NUP153: variants seen among roughly 807,000 people sequenced by gnomAD.
The protein encoded by NUP153 is nuclear pore complex protein Nup153.
A neutral mutation model predicts 134.6 loss-of-function variants in NUP153; 27 were observed. The ratio of observed to expected loss-of-function variants is 0.20; its 90% CI spans 0.15 to 0.28. NUP153 has a LOEUF of 0.28. Ranked by LOEUF, NUP153 falls within the 10% of genes least tolerant of loss-of-function variation. The probability of loss-of-function intolerance (pLI) is 1.00; values close to 1 mark genes in which losing one functional copy is unlikely to be tolerated. For synonymous variants in NUP153, 640 were observed against 623.5 expected, an observed-to-expected ratio of 1.03 and a Z score of -0.40; for missense variants, 1,821 against 1,731.3, an observed-to-expected ratio of 1.05 and a Z score of -0.92.
Position 17,675,533 on chromosome 6 carries a change from G to C in NUP153, c.572C>G (p.Ala191Gly), listed in dbSNP as rs1322240331. The change falls in exon 3 of 22, where the codon GCT (alanine) becomes GGT (glycine). Residue 191 changes from alanine to glycine, a missense_variant. Ala to Gly is a moderately conservative substitution (Grantham distance 60). Coordinates refer to ENST00000262077, the MANE Select transcript of NUP153 (RefSeq NM_005124.4). The surrounding 1 kb of genome is among the most constrained non-coding windows in gnomAD (Gnocchi z 4.4). ...ISTTSGFSSR[A>G]SDKDITVSKN... ...CATGTCAAGAATACCTTTATCAGAA[G>C]CTCTTGAAGAAAAACCACTGGTAGT... 6.2e-7 allele frequency: 1 copy of C among 1,613,598 alleles called. No individual in the cohort carries two copies. Among genetic ancestry groups the C allele is most frequent in the Admixed American group, 1.7e-5 (1 of 59,992 alleles).
chr6:17,664,934 T>A (rs1413128457), intron 9 of NUP153, among the ~76,000 whole-genome samples: 2 of 150,232 alleles, frequency 1.3e-5, no homozygotes, highest in African/African-American at 4.9e-5. Context: ...ATGCCTGTAG[T>A]CCCAGCTACT....
intron 11 of NUP153, chr6:17,651,838 A>C (rs926087286): frequency 1.5e-6 from 1 of 652,790 alleles, no homozygotes; most frequent in Non-Finnish European, 2.9e-6. Flanking sequence ...ACATACCTGT[A>C]ATCTCAGCAC....
rs561852631 is a variant in NUP153 at position 17,628,478 on chromosome 6, G to C, written c.3544+177C>G. 5.3e-5 allele frequency among the ~76,000 whole-genome samples: 8 copies of C among 152,170 alleles called. No homozygotes were observed. In the East Asian group the frequency reaches 1.5e-3, roughly 29 times the overall value. ...AGATGACTTCACCAGAATCATGAGG[G>C]TTTTAAAGAGCAGTTCAAACTGAAA... On this transcript the variant is annotated intron_variant, in intron 18 of 21. Coordinates refer to ENST00000262077, the MANE Select transcript of NUP153 (RefSeq NM_005124.4). This position sits in a 1 kb window ranked among gnomAD's most constrained non-coding sequence, Gnocchi z 5.4.
At chr6:17,678,897 G>GCA (rs1204365303) in intron 2 of NUP153, among the ~76,000 whole-genome samples, 29 of 150,824 alleles carry the variant, frequency 1.9e-4, no homozygotes, top group Non-Finnish European at 4.1e-4. Flanking sequence ...AATGAGCTAT[G>GCA]ATGGCACCAC....
chr6:17,690,180 G>A (rs1416306631), intron 1 of NUP153, among the ~76,000 whole-genome samples: 1 of 149,450 alleles, frequency 6.7e-6, no homozygotes, highest in Non-Finnish European at 1.5e-5. Context: ...GTGAAACCGC[G>A]TCTCTACTAA....
chr6:17,620,217 T>C (rs1205007788), intron 20 of NUP153, among the ~76,000 whole-genome samples: 2 of 150,852 alleles, frequency 1.3e-5, no homozygotes, highest in African/African-American at 4.9e-5. Flanking sequence ...AGCTGAGGTA[T>C]CATACTATCT....
intron 2 of NUP153, among the ~76,000 whole-genome samples, chr6:17,681,376 G>A (rs2113841374): frequency 7.0e-6 from 1 of 143,120 alleles, no homozygotes; most frequent in South Asian, 2.4e-4. Context: ...CACGAGGTCA[G>A]GAGATCGAGA....
At chr6:17,641,800 C>T (rs936771440) in intron 14 of NUP153, among the ~76,000 whole-genome samples, 12 of 151,260 alleles carry the variant, frequency 7.9e-5, no homozygotes, top group South Asian at 2.1e-4. Context: ...TGCAGTGAAA[C>T]GAGCTTGCAC....
At chr6:17,673,437 T>C (rs767795881) in intron 5 of NUP153, among the ~76,000 whole-genome samples, 1 of 152,132 alleles carries the variant, frequency 6.6e-6, no homozygotes, top group African/African-American at 2.4e-5. Flanking sequence ...GCAAAACATA[T>C]AACAAAGTAT....
intron 11 of NUP153, among the ~76,000 whole-genome samples, chr6:17,656,912 G>A (rs554036953): frequency 3.3e-5 from 5 of 152,146 alleles, no homozygotes; most frequent in African/African-American, 4.8e-5. Flanking sequence ...AGCTCAGTCT[G>A]CACAGACTCT....
At position 17,637,199 on chromosome 6, in the gene NUP153, A is replaced by T. The variant is rs146590928; in HGVS notation, c.2418T>A (p.Asn806Lys). ...SWECSVCCVSNNAEDNKCVSC... is the reference protein window; with the variant it reads ...SWECSVCCVSKNAEDNKCVSC... Reference sequence around the variant, plus strand: ...ACACACACTTATTGTCTTCTGCATTATTAGAAACACAGCATACTGAACACT... The same window carrying T: ...ACACACACTTATTGTCTTCTGCATTTTTAGAAACACAGCATACTGAACACT... The change falls in exon 16 of 22, where the codon AAT becomes AAA. Residue 806 changes from asparagine to lysine, a missense_variant. By Grantham distance (94) the Asn-to-Lys change is moderately conservative (BLOSUM62 0). Coordinates refer to ENST00000262077, the MANE Select transcript of NUP153 (RefSeq NM_005124.4). 2 of 1,614,012 alleles carry T rather than the reference A, an allele frequency of 1.2e-6. No individual in the cohort carries two copies. Among genetic ancestry groups the T allele is most frequent in the Middle Eastern group, 1.6e-4 (1 of 6,084 alleles).
intron 1 of NUP153, among the ~76,000 whole-genome samples, chr6:17,692,172 G>A (rs145085663): frequency 8.7e-4 from 132 of 152,208 alleles, no homozygotes; most frequent in African/African-American, 2.8e-3. Flanking sequence ...AAACATAACT[G>A]GTCAAAGTGG....
rs762142682 is a variant in NUP153 at position 17,668,069 on chromosome 6, C to CTTTTT, written c.1068+901_1068+905dup. ...GCAATGAGGACTTTAGTTTACTGAACTTTTTTTTTTTTTTTTTTTTTTTTG... is the reference window on the plus strand; with the variant it reads ...GCAATGAGGACTTTAGTTTACTGAACTTTTTTTTTTTTTTTTTTTTTTTTTTTTTG... On this transcript the variant is annotated intron_variant, in intron 8 of 21. Coordinates refer to ENST00000262077, the MANE Select transcript of NUP153 (RefSeq NM_005124.4). Among the ~76,000 whole-genome samples the CTTTTT allele has an allele frequency of 0.013, 1,109 of 87,174 alleles. 95 individuals carry two copies. The East Asian group carries it at 0.24, about 19-fold the overall frequency. The allele number at this position is 87,174 out of a possible 152,430, so 57.2% of individuals were successfully genotyped here. A position where few individuals can be genotyped will look rare whatever the true frequency, so the allele number is the denominator to read the frequency against.
chr6:17,624,066 TAAG>T (rs1385197824), intron 20 of NUP153, among the ~76,000 whole-genome samples: 1 of 152,170 alleles, frequency 6.6e-6, no homozygotes, highest in Non-Finnish European at 1.5e-5. Flanking sequence ...ACAACAATTT[TAAG>T]AAAATATAGG....
At chr6:17,636,351 A>G (rs1374084239) in intron 16 of NUP153, among the ~76,000 whole-genome samples, 4 of 151,108 alleles carry the variant, frequency 2.6e-5, no homozygotes, top group Admixed American at 1.3e-4. Flanking sequence ...AAAAAAAAAA[A>G]GGAATGAAGA....
chr6:17,686,960 A>T, intron 2 of NUP153, among the ~76,000 whole-genome samples: 1 of 152,016 alleles, frequency 6.6e-6, no homozygotes, highest in African/African-American at 2.4e-5. Flanking sequence ...AGGTTTAAAA[A>T]TTTTCCATAA....
chr6:17,616,517 A>G lies in NUP153; in HGVS notation c.4343+10T>C. The stretch of plus-strand genomic sequence containing the variant: ...TGTAACTTCTCCATTTCAATAAAAA[A>G]TTCTCTTACCCCACTGTAAATGCTG... On this transcript the variant is annotated intron_variant, in intron 21 of 21. Coordinates refer to ENST00000262077, the MANE Select transcript of NUP153 (RefSeq NM_005124.4). The G allele has an allele frequency of 6.3e-7, 1 of 1,591,150 alleles. No homozygotes were observed. Among genetic ancestry groups the G allele is most frequent in the Non-Finnish European group, 8.5e-7 (1 of 1,170,072 alleles).
At chr6:17,623,914 AAGAG>A (rs1265003675) in intron 20 of NUP153, among the ~76,000 whole-genome samples, 1 of 152,202 alleles carries the variant, frequency 6.6e-6, no homozygotes, top group Non-Finnish European at 1.5e-5. Flanking sequence ...AGAGTGGAGA[AAGAG>A]AGGAGTGTTT....
At position 17,625,804 on chromosome 6, in the gene NUP153, G is replaced by T; in HGVS notation, c.3901+4C>A. Reference sequence around the variant, plus strand: ...ACAATGCATTTTTTCTTTTGTAAATGTACCTGCAGAGCTAGATGTGGTTGT... The same window carrying T: ...ACAATGCATTTTTTCTTTTGTAAATTTACCTGCAGAGCTAGATGTGGTTGT... On this transcript the variant is annotated splice_donor_region_variant and intron_variant, in intron 19 of 21. Coordinates refer to ENST00000262077, the MANE Select transcript of NUP153 (RefSeq NM_005124.4). The surrounding 1 kb of genome is among the most constrained non-coding windows in gnomAD (Gnocchi z 4.7). 1 of 1,601,884 alleles carries T rather than the reference G, an allele frequency of 6.2e-7. No homozygotes were observed.
Sources: allele counts gnomAD v4.1 joint callset (sites outside exome capture counted in the v4.1 genomes callset), GRCh38; gene constraint gnomAD v4.1.1; non-coding constraint Gnocchi (gnomAD v3.1); transcripts MANE v1.5; gene names NCBI Gene and HGNC (gene_info 2026-07-23, HGNC 2026-07-21).